The following PPP2R2C variants were observed in gnomAD, a reference collection of about 807,000 sequenced individuals.
PPP2R2C encodes the protein protein phosphatase 2, regulatory subunit B, gamma.
PPP2R2C carries 10 observed loss-of-function variants against 45.3 expected under a neutral mutation model. The observed-to-expected ratio is 0.22, with a 90% CI of 0.14 to 0.37. The LOEUF (loss-of-function observed/expected upper bound fraction) is 0.37, where lower values mean the gene tolerates loss of function less well. Among genes scored for constraint, PPP2R2C ranks in the 10% least tolerant of loss-of-function variants. The pLI is 1.00. For missense variants in PPP2R2C, 308 were observed against 619.7 expected (o/e 0.50, Z 5.34); for synonymous variants, 257 against 245.4 (o/e 1.05, Z -0.44).
chr4:6,341,609 G>A (rs528771394), intron 6 of PPP2R2C, among the ~76,000 whole-genome samples: 3 of 152,252 alleles, frequency 2.0e-5, no homozygotes, highest in African/African-American at 7.2e-5. Flanking sequence ...ATGGCAAAAG[G>A]GGCTTTGCAG....
At chr4:6,488,321 C>T (rs1410603465) in intron 2 of PPP2R2C, among the ~76,000 whole-genome samples, 1 of 152,070 alleles carries the variant, frequency 6.6e-6, no homozygotes, top group Non-Finnish European at 1.5e-5. Context: ...TTTTAGGGTG[C>T]TGGATTTGTT....
At chr4:6,512,499 G>A (rs1723665168) in intron 2 of PPP2R2C, among the ~76,000 whole-genome samples, 1 of 124,498 alleles carries the variant, frequency 8.0e-6, no homozygotes, top group Non-Finnish European at 1.7e-5. Context: ...TGATGGTGGT[G>A]GTGGTGGTGA....
chr4:6,363,943 C>G (rs963551790), intron 5 of PPP2R2C, among the ~76,000 whole-genome samples: 6 of 152,174 alleles, frequency 3.9e-5, no homozygotes, highest in African/African-American at 1.4e-4. Flanking sequence ...TCTAAGGAGG[C>G]CGGGGTCCTC....
chr4:6,425,300 G>A (rs1311006655), intron 1 of PPP2R2C, among the ~76,000 whole-genome samples: 1 of 152,178 alleles, frequency 6.6e-6, no homozygotes, highest in Non-Finnish European at 1.5e-5. Context: ...GCATCATTAA[G>A]AGCCCAATTG....
At chr4:6,525,443 A>T (rs552632893) in intron 2 of PPP2R2C, among the ~76,000 whole-genome samples, 1 of 145,102 alleles carries the variant, frequency 6.9e-6, no homozygotes, top group Non-Finnish European at 1.5e-5. Context: ...TAAAATCCTA[A>T]CCACCCCCAG....
At position 6,329,995 on chromosome 4, in the gene PPP2R2C, G is replaced by C. The variant is rs965245117; in HGVS notation, c.961-642C>G. 6.6e-6 allele frequency among the ~76,000 whole-genome samples: 1 copy of C among 152,106 alleles called. No individual in the cohort carries two copies. The highest frequency in any genetic ancestry group is 2.4e-5 in the African/African-American group (1 of 41,416). On this transcript the variant is annotated intron_variant, in intron 7 of 8. Coordinates refer to ENST00000382599, the MANE Select transcript of PPP2R2C (RefSeq NM_020416.4). The surrounding 1 kb of genome is among the most constrained non-coding windows in gnomAD (Gnocchi z 5.8). ...CAGGGTGGCGGCCATCAAGAAAGGGGAAGAGGGAACCCACAGAGGTTTCTC... is the reference window on the plus strand; with the variant it reads ...CAGGGTGGCGGCCATCAAGAAAGGGCAAGAGGGAACCCACAGAGGTTTCTC...
chr4:6,323,708 G>A lies in PPP2R2C; in HGVS notation c.1053-115C>T, dbSNP rs960870219. On this transcript the variant is annotated intron_variant, in intron 8 of 8. Transcript: ENST00000382599. ...CCCAGGACTTTGGGAGGCCCCGGTG[G>A]GAGGATTGCTTCAGCCTAGGAGTTC... The A allele has an allele frequency of 6.3e-6, 7 of 1,115,524 alleles. No individual in the cohort carries two copies. In the African/African-American group the frequency reaches 9.5e-5, roughly 15 times the overall value. 69.1% of individuals were successfully genotyped at this position (1,115,524 alleles called of 1,614,324 possible).
intron 2 of PPP2R2C, among the ~76,000 whole-genome samples, chr4:6,518,931 A>T (rs1373939570): frequency 1.6e-4 from 7 of 44,154 alleles, no homozygotes; most frequent in Admixed American, 3.8e-4. Context: ...TTAAAAAAAA[A>T]AAAAAAAAAA....
At chr4:6,405,258 A>T (rs1458888497) in intron 1 of PPP2R2C, among the ~76,000 whole-genome samples, 1 of 152,156 alleles carries the variant, frequency 6.6e-6, no homozygotes, top group Non-Finnish European at 1.5e-5. Flanking sequence ...CGCACAGCAG[A>T]GCTGGCTCAG....
intron 2 of PPP2R2C, among the ~76,000 whole-genome samples, chr4:6,479,937 C>A (rs1249906517): frequency 6.6e-6 from 1 of 151,930 alleles, no homozygotes; most frequent in Non-Finnish European, 1.5e-5. Context: ...TCTCTAATTC[C>A]TGGACTCAAG....
chr4:6,511,858 GTGGTGA>G (rs1560594544), intron 2 of PPP2R2C, among the ~76,000 whole-genome samples: 2 of 60,714 alleles, frequency 3.3e-5, no homozygotes, highest in African/African-American at 1.2e-4. Context: ...GGTGGTGGTG[GTGGTGA>G]TGGTGGTGGT....
At chr4:6,493,878 T>G (rs1331399955) in intron 2 of PPP2R2C, among the ~76,000 whole-genome samples, 1 of 152,254 alleles carries the variant, frequency 6.6e-6, no homozygotes, top group Non-Finnish European at 1.5e-5. Context: ...TGTATTCTGT[T>G]ACCTAGCAAC....
chr4:6,367,705 A>C (rs1330485292), intron 5 of PPP2R2C, among the ~76,000 whole-genome samples: 1 of 152,172 alleles, frequency 6.6e-6, no homozygotes, highest in Non-Finnish European at 1.5e-5. Context: ...TCTGCCAAGT[A>C]AGGCTTCTCT....
intron 1 of PPP2R2C, among the ~76,000 whole-genome samples, chr4:6,553,457 G>A (rs1166684600): frequency 1.3e-5 from 2 of 152,206 alleles, no homozygotes; most frequent in African/African-American, 2.4e-5. Flanking sequence ...AGTAAGGCAC[G>A]GGGTCCCACC....
chr4:6,375,267 G>A (rs1396712796), intron 4 of PPP2R2C, among the ~76,000 whole-genome samples: 1 of 152,206 alleles, frequency 6.6e-6, no homozygotes, highest in Non-Finnish European at 1.5e-5. Flanking sequence ...CTCAGGAAGA[G>A]CACTGACTAC....
chr4:6,401,583 A>AAT (rs1415631306), intron 1 of PPP2R2C, among the ~76,000 whole-genome samples: 3 of 152,126 alleles, frequency 2.0e-5, no homozygotes, highest in Non-Finnish European at 2.9e-5. Context: ...ACCAAGACCT[A>AAT]ACCTCTGGAG....
chr4:6,511,630 GTGGTGGTGTTGA>G (rs1560594109), intron 2 of PPP2R2C, among the ~76,000 whole-genome samples: 2 of 71,418 alleles, frequency 2.8e-5, no homozygotes, highest in Non-Finnish European at 2.7e-5. Context: ...GGTGGTGGTG[GTGGTGGTGTTGA>G]TGGTGGTGGT....
intron 1 of PPP2R2C, among the ~76,000 whole-genome samples, chr4:6,401,114 T>C (rs1236690224): frequency 6.6e-6 from 1 of 152,216 alleles, no homozygotes; most frequent in East Asian, 1.9e-4. Context: ...AATATGAACA[T>C]GAAAACAAGT....
chr4:6,345,013 C>T lies in PPP2R2C; in HGVS notation c.790+2833G>A, dbSNP rs986260424. On this transcript the variant is annotated intron_variant, in intron 6 of 8. Transcript: ENST00000382599. The surrounding 1 kb of genome is among the most constrained non-coding windows in gnomAD (Gnocchi z 5.3). ...TCAAGGAGCAGATATATTACACCAA[C>T]GGTTCCAGAAAAAGAAACAAAAAGC... Among the ~76,000 whole-genome samples the T allele has an allele frequency of 1.3e-5, 2 of 152,198 alleles. No individual in the cohort carries two copies. The highest frequency in any genetic ancestry group is 2.4e-5 in the African/African-American group (1 of 41,444).
Sources: gnomAD v4.1 joint callset for allele counts (sites outside exome capture counted in the v4.1 genomes callset) on GRCh38, gnomAD v4.1.1 for gene constraint, Gnocchi (gnomAD v3.1) non-coding constraint, MANE v1.5 for transcripts, NCBI Gene and HGNC (gene_info 2026-07-23, HGNC 2026-07-21) for gene names.